CDC14A: variants seen among roughly 807,000 people sequenced by gnomAD.
CDC14A encodes cell division cycle 14A, also known as dual specificity protein phosphatase CDC14A.
In CDC14A, 53 loss-of-function variants were observed where a neutral mutation model predicts 74.4. The ratio of observed to expected loss-of-function variants is 0.71; its 90% CI spans 0.57 to 0.89. CDC14A has a LOEUF of 0.89. Among genes scored for constraint, CDC14A ranks in the 40% least tolerant of loss-of-function variants. The pLI, the probability that CDC14A is intolerant of heterozygous loss-of-function variation, is 0.00. For missense variants in CDC14A, 646 were observed against 713.7 expected, an observed-to-expected ratio of 0.91 and a Z score of 1.08; for synonymous variants, 247 against 258.4, an observed-to-expected ratio of 0.96 and a Z score of 0.43.
chr1:100,355,785 A>G (rs934410794), intron 2 of CDC14A, among the ~76,000 whole-genome samples: 1 of 152,220 alleles, frequency 6.6e-6, no homozygotes, highest in African/African-American at 2.4e-5. Flanking sequence ...AACAATGTTG[A>G]ATGCATATGT....
chr1:100,468,877 A>G (rs1571271967), intron 10 of CDC14A, among the ~76,000 whole-genome samples: 1 of 150,104 alleles, frequency 6.7e-6, no homozygotes, highest in African/African-American at 2.4e-5. Flanking sequence ...CTGAAATTTC[A>G]TTTTTTTTTC....
At chr1:100,380,117 A>G (rs182873451) in intron 3 of CDC14A, among the ~76,000 whole-genome samples, 160 of 152,346 alleles carry the variant, frequency 1.1e-3, no homozygotes, top group Non-Finnish European at 1.8e-3. Flanking sequence ...GAATTCTGAT[A>G]GGGAATATAA....
At position 100,485,044 on chromosome 1, in the gene CDC14A, T is replaced by A. The variant is rs182683081; in HGVS notation, c.1137+593T>A. Reference sequence around the variant, plus strand: ...AACCTCAGTGTCAAACATGGTTCAATCCATGTCTGTCTGAGTCCAAGCTTG... The same window carrying A: ...AACCTCAGTGTCAAACATGGTTCAAACCATGTCTGTCTGAGTCCAAGCTTG... On this transcript the variant is annotated intron_variant, in intron 11 of 15. Transcript: ENST00000336454. 5.1e-6 allele frequency: 5 copies of A among 985,314 alleles called. No homozygotes were observed. In the East Asian group the frequency reaches 5.7e-4, roughly 112 times the overall value. 61.0% of individuals were successfully genotyped at this position (985,314 alleles called of 1,614,324 possible). A position where few individuals can be genotyped will look rare whatever the true frequency, so the allele number is the denominator to read the frequency against.
upstream of CDC14A, among the ~76,000 whole-genome samples, chr1:100,349,852 T>C (rs975478580): frequency 1.3e-5 from 2 of 151,854 alleles, no homozygotes; most frequent in African/African-American, 4.8e-5. Context: ...ACGGGGTCTT[T>C]CTCTGTCGCC....
intron 3 of CDC14A, among the ~76,000 whole-genome samples, chr1:100,389,126 A>C (rs1345306500): frequency 6.9e-6 from 1 of 145,156 alleles, no homozygotes; most frequent in Non-Finnish European, 1.5e-5. Context: ...AGTGAGCCAG[A>C]TCATGCCACT....
At chr1:100,418,219 A>G (rs1334961246) in intron 4 of CDC14A, among the ~76,000 whole-genome samples, 1 of 152,176 alleles carries the variant, frequency 6.6e-6, no homozygotes, top group Non-Finnish European at 1.5e-5. Context: ...TGTTGTCATT[A>G]TTGTGATCAT....
intron 5 of CDC14A, among the ~76,000 whole-genome samples, chr1:100,429,234 T>TAAATAAATAAATAAAA (rs60569646): frequency 0.067 from 9,815 of 146,420 alleles, 1,243 homozygotes; most frequent in African/African-American, 0.23. Context: ...AATAAATAAA[T>TAAATAAATAAATAAAA]ATAAAATAAA....
chr1:100,372,155 A>C (rs920227095), intron 2 of CDC14A, among the ~76,000 whole-genome samples: 4 of 152,380 alleles, frequency 2.6e-5, no homozygotes. Flanking sequence ...TTGCTAAAAA[A>C]TGCTAATGAT....
At chr1:100,412,075 T>G (rs1044248440) in intron 4 of CDC14A, among the ~76,000 whole-genome samples, 2 of 152,206 alleles carry the variant, frequency 1.3e-5, no homozygotes, top group African/African-American at 4.8e-5. Flanking sequence ...AAGTCTCTGC[T>G]AGGGCTTGTA....
intron 15 of CDC14A, among the ~76,000 whole-genome samples, chr1:100,504,318 A>T (rs1165972045): frequency 6.6e-6 from 1 of 152,136 alleles, no homozygotes; most frequent in African/African-American, 2.4e-5. Flanking sequence ...CAGTGGTGCC[A>T]TTGTCTCTTG....
chr1:100,436,065 G>A (rs762220756), intron 5 of CDC14A, among the ~76,000 whole-genome samples: 39 of 152,232 alleles, frequency 2.6e-4, no homozygotes, highest in Middle Eastern at 3.4e-3. Context: ...CAGAGTAGGA[G>A]GGGACTTTTG....
At chr1:100,377,099 T>TC (rs1655374170) in intron 2 of CDC14A, among the ~76,000 whole-genome samples, 1 of 151,476 alleles carries the variant, frequency 6.6e-6, no homozygotes. Context: ...AGTGGTGCGA[T>TC]CTCTGGCTCA....
At chr1:100,452,416 G>A (rs1302551777) in intron 7 of CDC14A, among the ~76,000 whole-genome samples, 1 of 152,158 alleles carries the variant, frequency 6.6e-6, no homozygotes, top group Non-Finnish European at 1.5e-5. Flanking sequence ...GGAGGCTAAA[G>A]CAGGAGAATT....
At chr1:100,510,400 CTTTA>C (rs1191259768) in intron 15 of CDC14A, among the ~76,000 whole-genome samples, 1 of 152,200 alleles carries the variant, frequency 6.6e-6, no homozygotes, top group African/African-American at 2.4e-5. Flanking sequence ...CCTCAGTTAT[CTTTA>C]TTTTTGTTCA....
At chr1:100,517,513 G>T (rs1650327040) in intron 15 of CDC14A, among the ~76,000 whole-genome samples, 1 of 152,126 alleles carries the variant, frequency 6.6e-6, no homozygotes, top group Non-Finnish European at 1.5e-5. Flanking sequence ...CAAACTTTCT[G>T]TAACTCTCTA....
At chr1:100,496,594 G>A (rs928783075) in intron 13 of CDC14A, among the ~76,000 whole-genome samples, 21 of 152,202 alleles carry the variant, frequency 1.4e-4, no homozygotes, top group African/African-American at 4.8e-4. Context: ...GTTTGGCCAA[G>A]AGTGTTGATG....
intron 11 of CDC14A, among the ~76,000 whole-genome samples, chr1:100,493,658 G>A (rs1165092109): frequency 6.6e-6 from 1 of 152,198 alleles, no homozygotes; most frequent in Non-Finnish European, 1.5e-5. Flanking sequence ...GACCTTTCCT[G>A]GGATCTTGGG....
chr1:100,416,927 G>A (rs374621788), intron 4 of CDC14A, among the ~76,000 whole-genome samples: 2 of 151,948 alleles, frequency 1.3e-5, no homozygotes, highest in Non-Finnish European at 2.9e-5. Context: ...GCTTCCCCTC[G>A]TATAAAACGC....
chr1:100,401,313 C>T (rs550092269), intron 4 of CDC14A, among the ~76,000 whole-genome samples: 13 of 152,218 alleles, frequency 8.5e-5, no homozygotes, highest in East Asian at 3.9e-4. Context: ...ACATCCTAAG[C>T]GTTCAATAAG....
Sources: allele counts gnomAD v4.1 joint callset (sites outside exome capture counted in the v4.1 genomes callset), GRCh38; gene constraint gnomAD v4.1.1; transcripts MANE v1.5; gene names NCBI Gene and HGNC (gene_info 2026-07-23, HGNC 2026-07-21).